The following CPT1A variants were observed in gnomAD, a reference collection of about 807,000 sequenced individuals.
The protein encoded by CPT1A is carnitine palmitoyltransferase 1A.
CPT1A carries 64 observed loss-of-function variants against 100.8 expected under a neutral mutation model. The observed-to-expected ratio is 0.63, with a 90% confidence interval of 0.52 to 0.78. The LOEUF (loss-of-function observed/expected upper bound fraction) is 0.78. CPT1A is among the 30% of genes least tolerant of loss of function. The pLI is 0.00. For synonymous variants in CPT1A, 363 were observed against 396.0 expected (o/e 0.92, Z 0.99); for missense variants, 802 against 1,034.1 (o/e 0.78, Z 3.08).
At chr11:68,817,305 C>G (rs891061742) in intron 1 of CPT1A, among the ~76,000 whole-genome samples, 10 of 152,086 alleles carry the variant, frequency 6.6e-5, no homozygotes, top group Admixed American at 6.6e-4. Context: ...CAGAAATCAG[C>G]CTGACTCAGT....
intron 1 of CPT1A, among the ~76,000 whole-genome samples, chr11:68,823,797 A>AGAAC (rs1856649691): frequency 6.6e-6 from 1 of 151,888 alleles, no homozygotes; most frequent in Non-Finnish European, 1.5e-5. Context: ...CTCAAAAGAA[A>AGAAC]GAAAGAAAGA....
intron 17 of CPT1A, among the ~76,000 whole-genome samples, chr11:68,759,996 T>C (rs771865318): frequency 9.9e-5 from 15 of 152,116 alleles, no homozygotes; most frequent in Non-Finnish European, 2.1e-4. Context: ...GCCATGATCA[T>C]GCTTACTGCA....
intron 1 of CPT1A, among the ~76,000 whole-genome samples, chr11:68,838,561 C>T (rs1857069243): frequency 1.5e-4 from 1 of 6,596 alleles, no homozygotes; most frequent in Non-Finnish European, 3.7e-4. Flanking sequence ...TACTCTGTAT[C>T]TGCACCTTTT....
At chr11:68,830,937 C>T (rs1856859956) in intron 1 of CPT1A, among the ~76,000 whole-genome samples, 1 of 152,182 alleles carries the variant, frequency 6.6e-6, no homozygotes, top group Non-Finnish European at 1.5e-5. Context: ...CTTGTGTCAT[C>T]CGAATTGAAT....
intron 1 of CPT1A, among the ~76,000 whole-genome samples, chr11:68,838,574 A>T (rs1213405046): frequency 1.4e-5 from 2 of 138,648 alleles, no homozygotes; most frequent in African/African-American, 5.6e-5. Context: ...CACCTTTTTA[A>T]AAAAAAAAAA....
intron 2 of CPT1A, 138 bp downstream of exon 2, chr11:68,815,196 C>T: frequency 2.3e-6 from 2 of 875,954 alleles, no homozygotes; most frequent in Non-Finnish European, 3.7e-6. Context: ...GACGGTGTCC[C>T]CAAGCCTTAA....
At chr11:68,827,193 C>T (rs898785756) in intron 1 of CPT1A, among the ~76,000 whole-genome samples, 12 of 152,150 alleles carry the variant, frequency 7.9e-5, no homozygotes, top group Middle Eastern at 3.4e-3. Context: ...ATAAACCAGG[C>T]GCGGTGGTGA....
At chr11:68,789,953 C>A (rs1855569326) in intron 9 of CPT1A, among the ~76,000 whole-genome samples, 1 of 152,154 alleles carries the variant, frequency 6.6e-6, no homozygotes, top group African/African-American at 2.4e-5. Context: ...CTTTACATGA[C>A]AATATTTGGA....
chr11:68,762,677 T>C lies in CPT1A; in HGVS notation c.1825A>G (p.Thr609Ala). ...EGRTETVRSC[T>A]TESCDFVRAM... ...CGCACGAAGTCGCATGACTCAGTGG[T>C]GCAGGAGCGCACGGTCTCCGTCCTC... Residue 609 changes from threonine to alanine, a missense_variant, in exon 15 of 19, where the codon ACC becomes GCC. Physicochemically the swap from Thr to Ala is moderately conservative, Grantham distance 58. Around this residue, in one of 4 missense-constraint regions of CPT1A, gnomAD observed 627 missense variants for 799.3 expected, o/e 0.78. Transcript: ENST00000265641. The C allele has an allele frequency of 6.2e-7, 1 of 1,613,812 alleles. No homozygotes were observed. The highest frequency in any genetic ancestry group is 1.1e-5 in the South Asian group (1 of 91,054).
intron 4 of CPT1A, among the ~76,000 whole-genome samples, chr11:68,805,550 G>A (rs941331162): frequency 6.6e-6 from 1 of 152,130 alleles, no homozygotes; most frequent in African/African-American, 2.4e-5. Context: ...CTCCCCCAGA[G>A]GTTGGGACAG....
intron 7 of CPT1A, 131 bp downstream of exon 7, chr11:68,796,725 A>G: frequency 1.2e-6 from 1 of 852,432 alleles, no homozygotes; most frequent in Non-Finnish European, 1.9e-6. Flanking sequence ...TGGAAGCAGG[A>G]CAGAGAGGAG....
chr11:68,770,782 G>A (rs1232636750), intron 14 of CPT1A, among the ~76,000 whole-genome samples: 2 of 152,200 alleles, frequency 1.3e-5, no homozygotes, highest in African/African-American at 4.8e-5. Flanking sequence ...AAGATTTTAT[G>A]GAGGGTCTCT....
chr11:68,756,709 C>T lies in CPT1A; in HGVS notation c.*935G>A, dbSNP rs964028794. 3 of 152,236 alleles carry T rather than the reference C, an allele frequency of 2.0e-5. No individual in the cohort carries two copies. The highest frequency in any genetic ancestry group is 2.4e-5 in the African/African-American group (1 of 41,446). 9.4% of individuals were successfully genotyped at this position (152,236 alleles called of 1,614,324 possible). On this transcript the variant is annotated 3_prime_UTR_variant, in exon 19 of 19. Coordinates refer to ENST00000265641, the MANE Select transcript of CPT1A (RefSeq NM_001876.4). ...CATGTTTTATTCTTGAGTGAATTAT[C>T]TGACCATCACGGCCCTTGCTCCCCT...
chr11:68,794,567 C>T (rs952589758), intron 8 of CPT1A, among the ~76,000 whole-genome samples: 16 of 152,172 alleles, frequency 1.1e-4, no homozygotes, highest in African/African-American at 3.1e-4. Context: ...CGTGCCAGCA[C>T]GCCCAGCTAA....
intron 3 of CPT1A, 31 bp downstream of exon 3, chr11:68,812,406 A>G (rs1856239197): frequency 1.2e-6 from 2 of 1,613,876 alleles, no homozygotes. Context: ...GTAACTTCCC[A>G]GACAATTGGA....
chr11:68,817,894 G>A (rs1352920491), intron 1 of CPT1A, among the ~76,000 whole-genome samples: 1 of 152,042 alleles, frequency 6.6e-6, no homozygotes, highest in Admixed American at 6.6e-5. Context: ...AAGCACAGGT[G>A]GCTGGGGTCG....
intron 9 of CPT1A, among the ~76,000 whole-genome samples, chr11:68,786,795 C>T (rs1855475192): frequency 6.6e-6 from 1 of 152,178 alleles, no homozygotes; most frequent in Admixed American, 6.5e-5. Flanking sequence ...TCCCAAAGTG[C>T]TGGGATTACA....
At chr11:68,831,602 TTTTGTGCTTTTAA>T in intron 1 of CPT1A, among the ~76,000 whole-genome samples, 1 of 152,086 alleles carries the variant, frequency 6.6e-6, no homozygotes, top group East Asian at 1.9e-4. Context: ...AAAGATTCCT[TTTTGTGCTTTTAA>T]TAATGAAGTT....
chr11:68,837,168 G>A (rs542524974), intron 1 of CPT1A, among the ~76,000 whole-genome samples: 1 of 152,272 alleles, frequency 6.6e-6, no homozygotes, highest in African/African-American at 2.4e-5. Context: ...CCCTGCCTCA[G>A]CCTCCCGAGT....
Sources: gnomAD v4.1 joint callset for allele counts (sites outside exome capture counted in the v4.1 genomes callset) on GRCh38, gnomAD v4.1.1 for gene constraint, gnomAD v4.1.1 regional missense constraint, MANE v1.5 for transcripts, NCBI Gene and HGNC (gene_info 2026-07-23, HGNC 2026-07-21) for gene names.